Variants in PTPRM observed in about 807,000 individuals in gnomAD.
The protein encoded by PTPRM is receptor-type tyrosine-protein phosphatase mu.
Under a neutral mutation model 186.7 loss-of-function variants are expected in PTPRM, and 47 were observed. The observed-to-expected ratio is 0.25, with a 90% confidence interval of 0.20 to 0.32. The LOEUF (loss-of-function observed/expected upper bound fraction) is 0.32. PTPRM is among the 10% of genes least tolerant of loss of function. The pLI is 1.00. For synonymous variants in PTPRM, 668 were observed against 674.9 expected (o/e 0.99, Z 0.16); for missense variants, 1,494 against 1,865.0 (o/e 0.80, Z 3.66).
intron 23 of PTPRM, among the ~76,000 whole-genome samples, chr18:8,357,794 T>A (rs1172144994): frequency 6.6e-6 from 1 of 152,140 alleles, no homozygotes; most frequent in Non-Finnish European, 1.5e-5. Flanking sequence ...CAAAAACATA[T>A]ACAATTATAA....
At chr18:7,757,127 T>C (rs1367095914) in intron 1 of PTPRM, among the ~76,000 whole-genome samples, 2 of 152,238 alleles carry the variant, frequency 1.3e-5, no homozygotes, top group Admixed American at 6.5e-5. Flanking sequence ...GCTTCCCAGC[T>C]ACACCTTAAA....
At chr18:7,760,608 G>A (rs1247374512) in intron 1 of PTPRM, among the ~76,000 whole-genome samples, 2 of 152,126 alleles carry the variant, frequency 1.3e-5, no homozygotes, top group African/African-American at 2.4e-5. Context: ...GAAAGGAAAG[G>A]AAACCCACAG....
At chr18:8,285,454 C>T (rs2094945793) in intron 19 of PTPRM, among the ~76,000 whole-genome samples, 1 of 152,134 alleles carries the variant, frequency 6.6e-6, no homozygotes, top group African/African-American at 2.4e-5. Flanking sequence ...TTTTAGGAGG[C>T]CCACTCATGG....
At chr18:7,632,073 C>T (rs1042630364) in intron 1 of PTPRM, among the ~76,000 whole-genome samples, 1 of 152,122 alleles carries the variant, frequency 6.6e-6, no homozygotes, top group Non-Finnish European at 1.5e-5. Flanking sequence ...AACTAAATAG[C>T]CTAAGTAGGA....
chr18:8,010,848 A>T (rs974472528), intron 7 of PTPRM, among the ~76,000 whole-genome samples: 3 of 152,232 alleles, frequency 2.0e-5, no homozygotes, highest in African/African-American at 7.2e-5. Context: ...ATAGAGATAC[A>T]AAGATTATAG....
At chr18:7,633,574 G>A (rs901542663) in intron 1 of PTPRM, among the ~76,000 whole-genome samples, 1 of 152,112 alleles carries the variant, frequency 6.6e-6, no homozygotes, top group Non-Finnish European at 1.5e-5. Context: ...TCACCTGTGT[G>A]TGTAGTGTGT....
At chr18:8,006,647 T>C (rs934429911) in intron 7 of PTPRM, among the ~76,000 whole-genome samples, 1 of 152,182 alleles carries the variant, frequency 6.6e-6, no homozygotes, top group Non-Finnish European at 1.5e-5. Flanking sequence ...CCCAAAACCA[T>C]GGCAACCCCA....
chr18:7,735,520 A>T (rs2040750722), intron 1 of PTPRM, among the ~76,000 whole-genome samples: 1 of 152,200 alleles, frequency 6.6e-6, no homozygotes, highest in South Asian at 2.1e-4. Context: ...CTAGTATAAC[A>T]TCACATGACA....
At chr18:7,983,528 A>T (rs1449270379) in intron 7 of PTPRM, among the ~76,000 whole-genome samples, 7 of 152,110 alleles carry the variant, frequency 4.6e-5, no homozygotes, top group Admixed American at 1.3e-4. Context: ...ATAGGCTAGA[A>T]CTATGCTTTT....
intron 1 of PTPRM, among the ~76,000 whole-genome samples, chr18:7,760,127 G>T (rs1478905029): frequency 6.6e-6 from 1 of 152,150 alleles, no homozygotes; most frequent in Non-Finnish European, 1.5e-5. Flanking sequence ...CTCTTCTGCT[G>T]CCGCTTCTCT....
intron 19 of PTPRM, among the ~76,000 whole-genome samples, chr18:8,267,593 T>G (rs2094717318): frequency 6.6e-6 from 1 of 152,218 alleles, no homozygotes; most frequent in African/African-American, 2.4e-5. Context: ...CTATGAACAC[T>G]GCTATAAATA....
At chr18:7,972,498 G>GAAATAAAAAAAAAAAAAA (rs2054616329) in intron 7 of PTPRM, among the ~76,000 whole-genome samples, 1 of 51,808 alleles carries the variant, frequency 1.9e-5, no homozygotes, top group Non-Finnish European at 4.0e-5. Flanking sequence ...AAAAAAAGGA[G>GAAATAAAAAAAAAAAAAA]AGAAACATGG....
At chr18:8,361,885 C>T (rs985510486) in intron 23 of PTPRM, among the ~76,000 whole-genome samples, 2 of 152,100 alleles carry the variant, frequency 1.3e-5, no homozygotes, top group South Asian at 2.1e-4. Context: ...AAACTTTATC[C>T]GAGGTTCTTA....
chr18:7,928,637 ATATT>A (rs1414783649), intron 5 of PTPRM, among the ~76,000 whole-genome samples: 1 of 152,188 alleles, frequency 6.6e-6, no homozygotes, highest in Non-Finnish European at 1.5e-5. Flanking sequence ...TTTGCTCCTA[ATATT>A]TATGATATTA....
At chr18:7,641,980 A>G (rs2038454106) in intron 1 of PTPRM, among the ~76,000 whole-genome samples, 1 of 152,202 alleles carries the variant, frequency 6.6e-6, no homozygotes, top group Non-Finnish European at 1.5e-5. Context: ...GGATTAGTAT[A>G]GGAGCACTGT....
intron 19 of PTPRM, among the ~76,000 whole-genome samples, chr18:8,260,919 C>T (rs1418948666): frequency 6.6e-6 from 1 of 152,200 alleles, no homozygotes; most frequent in Non-Finnish European, 1.5e-5. Context: ...TTCTAGACGA[C>T]TTTTCAGAAT....
chr18:7,948,927 A>C (rs1189381198), intron 5 of PTPRM, among the ~76,000 whole-genome samples: 1 of 152,214 alleles, frequency 6.6e-6, no homozygotes, highest in Admixed American at 6.5e-5. Flanking sequence ...TAATTAACAT[A>C]ATATTTTGAA....
chr18:8,391,225 A>G (rs2095810132), intron 31 of PTPRM, among the ~76,000 whole-genome samples: 2 of 152,216 alleles, frequency 1.3e-5, no homozygotes, highest in African/African-American at 4.8e-5. Context: ...AGCTAAACAT[A>G]TACGCAGTCT....
At chr18:8,277,406 G>A (rs1302839615) in intron 19 of PTPRM, among the ~76,000 whole-genome samples, 1 of 152,186 alleles carries the variant, frequency 6.6e-6, no homozygotes, top group Admixed American at 6.5e-5. Flanking sequence ...AGTGAGACTT[G>A]AGCACAAATT....
Sources: gnomAD v4.1 joint callset for allele counts (sites outside exome capture counted in the v4.1 genomes callset) on GRCh38, gnomAD v4.1.1 for gene constraint, MANE v1.5 for transcripts, NCBI Gene and HGNC (gene_info 2026-07-23, HGNC 2026-07-21) for gene names.